Variants in SLC8A1 observed in about 807,000 individuals in gnomAD.
SLC8A1 encodes solute carrier family 8 member A1, also known as sodium/calcium exchanger 1.
SLC8A1 carries 18 observed loss-of-function variants against 68.3 expected under a neutral mutation model. That is an observed-to-expected ratio of 0.26 (90% CI 0.18 to 0.39). SLC8A1 has a LOEUF of 0.39. SLC8A1 is among the 10% of genes least tolerant of loss of function. SLC8A1 has a pLI of 1.00. For synonymous variants in SLC8A1, 475 were observed against 415.5 expected (o/e 1.14, Z -1.74); for missense variants, 985 against 1,156.7 (o/e 0.85, Z 2.15).
At chr2:40,452,706 A>G (rs1449009825), upstream of SLC8A1, among the ~76,000 whole-genome samples, 3 of 150,792 alleles carry the variant, frequency 2.0e-5, no homozygotes, top group African/African-American at 7.3e-5. Flanking sequence ...TCTACGTATC[A>G]GATATGCACA....
chr2:40,133,654 C>T (rs1402909507), intron 7 of SLC8A1, among the ~76,000 whole-genome samples: 1 of 151,766 alleles, frequency 6.6e-6, no homozygotes, highest in Non-Finnish European at 1.5e-5. Context: ...ACAACCCCCA[C>T]CAAGACGCGC....
chr2:40,385,959 CT>C (rs1683417045), intron 2 of SLC8A1, among the ~76,000 whole-genome samples: 2 of 136,008 alleles, frequency 1.5e-5, no homozygotes, highest in Non-Finnish European at 3.1e-5. Context: ...AAATGTAAAC[CT>C]TCTGAATTAT....
At chr2:40,364,654 C>T (rs1255376032) in intron 2 of SLC8A1, among the ~76,000 whole-genome samples, 1 of 151,966 alleles carries the variant, frequency 6.6e-6, no homozygotes, top group South Asian at 2.1e-4. Flanking sequence ...GCTGTTAGTA[C>T]TACTATATCC....
At chr2:40,205,125 G>C (rs1472354421) in intron 2 of SLC8A1, among the ~76,000 whole-genome samples, 3 of 151,888 alleles carry the variant, frequency 2.0e-5, no homozygotes, top group Non-Finnish European at 4.4e-5. Context: ...ACTGTCTCTA[G>C]TTAAAAATAC....
chr2:40,266,111 A>T (rs2065325777), intron 2 of SLC8A1, among the ~76,000 whole-genome samples: 3 of 152,232 alleles, frequency 2.0e-5, no homozygotes, highest in Admixed American at 2.0e-4. Flanking sequence ...AAAATTTTCT[A>T]GAAATTGGTG....
intron 2 of SLC8A1, among the ~76,000 whole-genome samples, chr2:40,314,505 T>C (rs2074178602): frequency 6.6e-6 from 1 of 151,994 alleles, no homozygotes; most frequent in Non-Finnish European, 1.5e-5. Flanking sequence ...ACATGAACTT[T>C]AGAAAAAGCT....
rs980544763 is a variant in SLC8A1, at chr2:40,258,701, G to A, written c.1809-80846C>T. Among the ~76,000 whole-genome samples, 4 of 152,036 alleles carry A rather than the reference G, an allele frequency of 2.6e-5. No individual in the cohort carries two copies. In the South Asian group the frequency reaches 8.3e-4, roughly 31 times the overall value. ...TACTAAAAATACAAAAATTAGCCAG[G>A]TGTGGCGGCAGGCACCTGTAACCCT... On this transcript the variant is annotated intron_variant, in intron 2 of 7. Transcript: ENST00000406785.
chr2:40,290,030 G>A (rs2069010229), intron 2 of SLC8A1, among the ~76,000 whole-genome samples: 2 of 152,096 alleles, frequency 1.3e-5, no homozygotes, highest in Admixed American at 6.6e-5. Context: ...ATAATTAAAA[G>A]GCCTGTAATA....
At chr2:40,262,735 A>G (rs562866852) in intron 2 of SLC8A1, among the ~76,000 whole-genome samples, 1 of 152,318 alleles carries the variant, frequency 6.6e-6, no homozygotes, top group African/African-American at 2.4e-5. Flanking sequence ...TAATGCATAT[A>G]TGGTTGGAAC....
At chr2:40,486,048 G>A (rs1014548292) in intron 1 of SLC8A1, among the ~76,000 whole-genome samples, 1 of 152,154 alleles carries the variant, frequency 6.6e-6, no homozygotes, top group Non-Finnish European at 1.5e-5. Context: ...ATTGAAACAT[G>A]GGAGCAGTTA....
chr2:40,459,328 T>G (rs557860090), intron 1 of SLC8A1, among the ~76,000 whole-genome samples: 26 of 152,328 alleles, frequency 1.7e-4, no homozygotes, highest in Non-Finnish European at 2.9e-4. Flanking sequence ...CCAAACCTTT[T>G]TTGAGAGTCC....
chr2:40,455,122 A>C (rs751644906), upstream of SLC8A1, among the ~76,000 whole-genome samples: 7 of 152,210 alleles, frequency 4.6e-5, no homozygotes, highest in Non-Finnish European at 8.8e-5. Flanking sequence ...GATATATTCG[A>C]AAGATGTTCT....
chr2:40,281,182 T>C (rs559754250), intron 2 of SLC8A1, among the ~76,000 whole-genome samples: 4 of 152,084 alleles, frequency 2.6e-5, no homozygotes, highest in African/African-American at 9.6e-5. Flanking sequence ...TTACCAGGGA[T>C]GGGGCAGAAG....
At chr2:40,421,053 G>C (rs562927759) in intron 2 of SLC8A1, among the ~76,000 whole-genome samples, 1 of 151,942 alleles carries the variant, frequency 6.6e-6, no homozygotes, top group South Asian at 2.1e-4. Context: ...ATAAATCTTA[G>C]TGCCATCACC....
At chr2:40,354,009 A>T (rs528738839) in intron 2 of SLC8A1, among the ~76,000 whole-genome samples, 7 of 152,212 alleles carry the variant, frequency 4.6e-5, no homozygotes, top group Non-Finnish European at 1.0e-4. Context: ...TGAACATTAT[A>T]CACAAGTCAT....
chr2:40,311,455 G>A (rs984600314), intron 2 of SLC8A1, among the ~76,000 whole-genome samples: 3 of 151,644 alleles, frequency 2.0e-5, no homozygotes, highest in Non-Finnish European at 4.4e-5. Flanking sequence ...TGAGAAAATC[G>A]AAGGCATTAA....
At chr2:40,263,938 A>G (rs998685527) in intron 2 of SLC8A1, among the ~76,000 whole-genome samples, 4 of 152,144 alleles carry the variant, frequency 2.6e-5, no homozygotes, top group Admixed American at 6.6e-5. Context: ...GAAAATTTTC[A>G]CAACCTACTC....
At chr2:40,271,105 C>A (rs928810879) in intron 2 of SLC8A1, among the ~76,000 whole-genome samples, 1 of 152,148 alleles carries the variant, frequency 6.6e-6, no homozygotes, top group Non-Finnish European at 1.5e-5. Flanking sequence ...AACACAATCA[C>A]AGTATGCCAC....
At chr2:40,330,126 A>T (rs1017259956) in intron 2 of SLC8A1, among the ~76,000 whole-genome samples, 2 of 152,236 alleles carry the variant, frequency 1.3e-5, no homozygotes, top group African/African-American at 4.8e-5. Context: ...TTTTGAATGG[A>T]CTATCCTACG....
Sources: gnomAD v4.1 joint callset for allele counts (sites outside exome capture counted in the v4.1 genomes callset) on GRCh38, gnomAD v4.1.1 for gene constraint, MANE v1.5 for transcripts, NCBI Gene and HGNC (gene_info 2026-07-23, HGNC 2026-07-21) for gene names.